The following AAAS variants were observed in gnomAD, a reference collection of about 807,000 sequenced individuals.
AAAS encodes the protein aladin WD repeat nucleoporin.
A neutral mutation model predicts 75.6 loss-of-function variants in AAAS; 60 were observed. The observed-to-expected ratio is 0.79, with a 90% CI of 0.64 to 0.98. AAAS has a LOEUF of 0.98. Among genes scored for constraint, AAAS ranks in the 50% least tolerant of loss-of-function variants. The probability of loss-of-function intolerance (pLI) is 0.00; values close to 1 mark genes in which losing one functional copy is unlikely to be tolerated. For synonymous variants in AAAS, 271 were observed against 265.0 expected, an observed-to-expected ratio of 1.02 and a Z score of -0.22; for missense variants, 658 against 686.9, an observed-to-expected ratio of 0.96 and a Z score of 0.47.
intron 1 of AAAS, chr12:53,321,098 C>T: frequency 6.5e-6 from 4 of 617,318 alleles, no homozygotes; most frequent in Non-Finnish European, 1.1e-5. Flanking sequence ...CCTCACACTC[C>T]CTAGATTCTC....
chr12:53,308,579 T>A (rs975827747), intron 11 of AAAS, 51 bp from the exon 12 acceptor site: 8 of 1,610,540 alleles, frequency 5.0e-6, no homozygotes, highest in Non-Finnish European at 6.8e-6. Flanking sequence ...GGCCTCTCAC[T>A]GGTCCCCTGC....
intron 2 of AAAS, among the ~76,000 whole-genome samples, chr12:53,316,005 C>G (rs988576241): frequency 1.3e-5 from 2 of 152,320 alleles, no homozygotes; most frequent in Admixed American, 6.5e-5. Context: ...GCTCAGAGGA[C>G]TTTTGGGGCT....
At chr12:53,318,245 C>CGCGT (rs1944494717) in intron 2 of AAAS, among the ~76,000 whole-genome samples, 9 of 78,832 alleles carry the variant, frequency 1.1e-4, no homozygotes, top group East Asian at 3.6e-4. Flanking sequence ...TGTGTGTGTG[C>CGCGT]GTGTGTGTGT....
rs879622037 is a variant in AAAS at position 53,315,386 on chromosome 12, T to C, written c.348A>G (p.Ala116=). The stretch of plus-strand genomic sequence containing the variant: ...GGAGGGAAGAGGCCCATCGACAGAG[T>C]GCCAGGGCCCAGCCGGATGCCGTCT... ...WVKTASGWAL[A]LCRWASSLHG... is the part of the protein sequence containing the mutation. The change falls in exon 4 of 16, where the codon GCA becomes GCG. Residue 116 remains alanine, a synonymous_variant. Transcript: ENST00000209873. The C allele has an allele frequency of 1.9e-6, 3 of 1,613,646 alleles. No homozygotes were observed. Among genetic ancestry groups the C allele is most frequent in the Non-Finnish European group, 2.5e-6 (3 of 1,179,988 alleles).
intron 2 of AAAS, among the ~76,000 whole-genome samples, chr12:53,318,564 A>G (rs935911437): frequency 2.0e-5 from 3 of 152,176 alleles, no homozygotes; most frequent in Non-Finnish European, 2.9e-5. Context: ...GCTAATTAAT[A>G]TGAACAAGGT....
At chr12:53,308,646 A>G (rs1038362315) in intron 11 of AAAS, 79 bp downstream of exon 11, 1 of 1,598,436 alleles carries the variant, frequency 6.3e-7, no homozygotes, top group African/African-American at 1.3e-5. Flanking sequence ...ATTTCCCTTT[A>G]TCCCTCAGAG....
intron 2 of AAAS, among the ~76,000 whole-genome samples, chr12:53,318,401 C>A (rs747664813): frequency 6.6e-6 from 1 of 152,010 alleles, no homozygotes; most frequent in Non-Finnish European, 1.5e-5. Context: ...GGATTACACA[C>A]GGAGTTTCAC....
intron 1 of AAAS, 97 bp downstream of exon 1, chr12:53,321,246 C>T (rs1944549429): frequency 6.4e-7 from 1 of 1,550,888 alleles, no homozygotes; most frequent in Non-Finnish European, 8.7e-7. Context: ...CTCCGCCAGA[C>T]TCTGTGACCC....
intron 2 of AAAS, 94 bp downstream of exon 2, chr12:53,320,471 A>G (rs1231962576): frequency 6.4e-7 from 1 of 1,562,122 alleles, no homozygotes; most frequent in Non-Finnish European, 8.8e-7. Context: ...GCCTGAATAA[A>G]AGTCTTTTGA....
intron 1 of AAAS, 96 bp downstream of exon 1, chr12:53,321,245 ACT>A: frequency 6.5e-7 from 1 of 1,544,880 alleles, no homozygotes; most frequent in South Asian, 1.2e-5. Context: ...ACTCCGCCAG[ACT>A]CTGTGACCCT....
intron 11 of AAAS, 84 bp from the exon 12 acceptor site, chr12:53,308,612 C>A (rs1412893072): frequency 9.4e-6 from 15 of 1,597,352 alleles, no homozygotes; most frequent in Non-Finnish European, 1.3e-5. Context: ...GGCATCAACA[C>A]CTCGAAATCT....
intron 12 of AAAS, 27 bp from the exon 13 acceptor site, chr12:53,308,376 T>G (rs780613453): frequency 2.5e-6 from 4 of 1,613,800 alleles, no homozygotes; most frequent in Non-Finnish European, 3.4e-6. Context: ...GTTAGGAGAG[T>G]TTCAGTGTGG....
Position 53,308,059 on chromosome 12 carries a change from G to A in AAAS, c.1324C>T (p.Leu442Phe). ...GGCCCACATGGCACTTACCAGGGAA[G>A]GAGCTCAAACACAGGGCTGTTTCGA... ...RTRNSPVFEL[L>F]PCGIIQGEPG... Residue 442 changes from leucine (L) to phenylalanine (F), a missense_variant, in exon 14 of 16, where the codon CTT (leucine) becomes TTT (phenylalanine). Coordinates refer to ENST00000209873, the MANE Select transcript of AAAS (RefSeq NM_015665.6). 1 of 1,614,240 alleles carries A rather than the reference G, an allele frequency of 6.2e-7. No homozygotes were observed. The highest frequency in any genetic ancestry group is 1.3e-5 in the African/African-American group (1 of 75,052).
chr12:53,318,249 T>TGTGTGTGTGTGCGC, intron 2 of AAAS, among the ~76,000 whole-genome samples: 1 of 140,758 alleles, frequency 7.1e-6, no homozygotes, highest in East Asian at 2.1e-4. Flanking sequence ...TGTGTGCGTG[T>TGTGTGTGTGTGCGC]GTGTGTGTGT....
Position 53,315,108 on chromosome 12 carries a change from G to C in AAAS, c.432C>G (p.Ala144=), listed in dbSNP as rs1268945144. Reference sequence around the variant, plus strand: ...TGTGCACTCACCAATTTGTGACTTGGGCAAATTCAGCGATCAGATCTTCGC... The same window carrying C: ...TGTGCACTCACCAATTTGTGACTTGCGCAAATTCAGCGATCAGATCTTCGC... ...LRSEDLIAEF[A]QVTNWSSCCL... is the part of the protein sequence containing the mutation. Residue 144 remains alanine, a synonymous_variant, in exon 5 of 16, where the codon GCC becomes GCG. Transcript: ENST00000209873. The C allele has an allele frequency of 6.2e-7, 1 of 1,614,092 alleles. No homozygotes were observed. The highest frequency in any genetic ancestry group is 1.7e-5 in the Admixed American group (1 of 59,992).
At chr12:53,316,312 T>C (rs1448006220) in intron 2 of AAAS, among the ~76,000 whole-genome samples, 1 of 150,418 alleles carries the variant, frequency 6.6e-6, no homozygotes, top group Non-Finnish European at 1.5e-5. Flanking sequence ...TAGCCAGGTG[T>C]GGTGGTGCGT....
intron 6 of AAAS, 22 bp downstream of exon 6, chr12:53,314,729 C>T: frequency 2.5e-6 from 4 of 1,609,204 alleles, no homozygotes; most frequent in South Asian, 1.1e-5. Flanking sequence ...AGTCAGAGCC[C>T]ACCTGGTGTC....
chr12:53,318,884 G>T (rs190202643), intron 2 of AAAS, among the ~76,000 whole-genome samples: 1 of 152,320 alleles, frequency 6.6e-6, no homozygotes, highest in East Asian at 1.9e-4. Context: ...ACCCTGAGAA[G>T]CAGCAGCCAC....
At chr12:53,319,895 C>T (rs1033008919) in intron 2 of AAAS, among the ~76,000 whole-genome samples, 1 of 150,934 alleles carries the variant, frequency 6.6e-6, no homozygotes, top group African/African-American at 2.4e-5. Flanking sequence ...CCAAGGCGGG[C>T]ACATCATCTG....
Sources: allele counts gnomAD v4.1 joint callset (sites outside exome capture counted in the v4.1 genomes callset), GRCh38; gene constraint gnomAD v4.1.1; transcripts MANE v1.5; gene names NCBI Gene and HGNC (gene_info 2026-07-23, HGNC 2026-07-21).